The following PSMG2 variants were observed in gnomAD, a reference collection of about 807,000 sequenced individuals.
The protein encoded by PSMG2 is proteasome assembly chaperone 2.
In PSMG2, 21 loss-of-function variants were observed where a neutral mutation model predicts 31.5. The ratio of observed to expected loss-of-function variants is 0.67; its 90% CI spans 0.47 to 0.96. PSMG2 has a LOEUF of 0.96. Among genes scored for constraint, PSMG2 ranks in the 40% least tolerant of loss-of-function variants. PSMG2 has a pLI of 0.00. For synonymous variants in PSMG2, 120 were observed against 110.4 expected (o/e 1.09, Z -0.54); for missense variants, 318 against 321.2 (o/e 0.99, Z 0.08).
upstream of PSMG2, chr18:12,699,959 A>C (rs955739736): frequency 8.2e-7 from 1 of 1,212,686 alleles, no homozygotes; most frequent in African/African-American, 1.5e-5. Flanking sequence ...TTATAGGTTA[A>C]GGAAATGTCA....
At chr18:12,701,151 A>C (rs748522887), upstream of PSMG2, 1 of 1,534,532 alleles carries the variant, frequency 6.5e-7, no homozygotes, top group African/African-American at 1.4e-5. Flanking sequence ...ATAACATCAC[A>C]AAGCAGTCAA....
At chr18:12,699,765 G>A (rs1291366676), upstream of PSMG2, 5 of 898,126 alleles carry the variant, frequency 5.6e-6, no homozygotes, top group Middle Eastern at 3.4e-4. Flanking sequence ...TATCAAATAC[G>A]AAAGACTACA....
intron 1 of PSMG2, among the ~76,000 whole-genome samples, chr18:12,672,120 T>C (rs2038964007): frequency 7.0e-6 from 1 of 143,748 alleles, no homozygotes; most frequent in African/African-American, 2.6e-5. Flanking sequence ...GCCTGGCCCT[T>C]TTTTTTTTTT....
intron 1 of PSMG2, among the ~76,000 whole-genome samples, chr18:12,689,631 C>T (rs2039674813): frequency 6.6e-6 from 1 of 152,166 alleles, no homozygotes; most frequent in Non-Finnish European, 1.5e-5. Flanking sequence ...TAGTGCATTT[C>T]AACTTCTTCC....
chr18:12,672,407 C>T lies in PSMG2; in HGVS notation c.-37+13634C>T, dbSNP rs73407561. Among the ~76,000 whole-genome samples the T allele has an allele frequency of 9.4e-3, 1,430 of 152,302 alleles. 25 individuals are homozygous for T. The highest frequency in any genetic ancestry group is 0.033 in the African/African-American group (1,359 of 41,572). Reference sequence around the variant, plus strand: ...CTGGGATTACAGGCATAAACCACTACGCCGAGCCTTACAAAATTTTTAAAA... The same window carrying T: ...CTGGGATTACAGGCATAAACCACTATGCCGAGCCTTACAAAATTTTTAAAA... On this transcript the variant is annotated intron_variant, in intron 1 of 6. Coordinates refer to the PSMG2 transcript ENST00000585331.
intron 1 of PSMG2, chr18:12,680,735 C>T: frequency 6.2e-7 from 1 of 1,613,506 alleles, no homozygotes; most frequent in Non-Finnish European, 8.5e-7. Flanking sequence ...GCATGAGGTA[C>T]TCCTTTTGCC....
At chr18:12,703,487 A>G (rs1324298004) in intron 1 of PSMG2, among the ~76,000 whole-genome samples, 1 of 152,202 alleles carries the variant, frequency 6.6e-6, no homozygotes, top group East Asian at 1.9e-4. Context: ...TCTTTCTACG[A>G]CTAGTTTTAG....
At chr18:12,661,951 A>C (rs2038700548) in intron 1 of PSMG2, 1 of 260,252 alleles carries the variant, frequency 3.8e-6, no homozygotes, top group Non-Finnish European at 7.8e-6. Flanking sequence ...TGTTACTCTG[A>C]ATATGATTTT....
intron 1 of PSMG2, among the ~76,000 whole-genome samples, chr18:12,692,907 C>G (rs777644841): frequency 6.6e-5 from 10 of 152,182 alleles, no homozygotes; most frequent in Non-Finnish European, 1.3e-4. Context: ...ACTGTAGCCT[C>G]GAATTCCTGG....
intron 5 of PSMG2, among the ~76,000 whole-genome samples, chr18:12,722,968 C>T (rs1362709): frequency 0.38 from 57,701 of 152,110 alleles, 11,489 homozygotes; most frequent in Non-Finnish European, 0.45. Flanking sequence ...TTTTCTGAGC[C>T]ATCAGAGCTC....
intron 1 of PSMG2, among the ~76,000 whole-genome samples, chr18:12,665,960 G>A (rs1211346044): frequency 6.6e-6 from 1 of 152,126 alleles, no homozygotes; most frequent in African/African-American, 2.4e-5. Context: ...CTCCCAAAGT[G>A]CTGGGATAAC....
chr18:12,704,743 C>T (rs899004693), intron 1 of PSMG2, among the ~76,000 whole-genome samples: 11 of 152,130 alleles, frequency 7.2e-5, no homozygotes, highest in African/African-American at 2.4e-4. Flanking sequence ...GATATTAGAG[C>T]ATGTTTACGT....
chr18:12,701,749 T>G (rs2040158888), upstream of PSMG2, among the ~76,000 whole-genome samples: 1 of 152,200 alleles, frequency 6.6e-6, no homozygotes, highest in East Asian at 1.9e-4. Context: ...AACCCTTTAG[T>G]AACTTCTCTT....
intron 1 of PSMG2, among the ~76,000 whole-genome samples, chr18:12,683,458 T>C (rs1293229781): frequency 6.6e-6 from 1 of 151,650 alleles, no homozygotes; most frequent in Non-Finnish European, 1.5e-5. Context: ...ATTTTGTATA[T>C]TGACTCAAGG....
In PSMG2 at chr18:12,680,733, T is replaced by C. The variant is rs764891261; in HGVS notation, c.-37+21960T>C. The C allele has an allele frequency of 1.7e-5, 28 of 1,613,398 alleles. No homozygotes were observed. The South Asian group carries it at 3.1e-4, about 18-fold the overall frequency. ...CACAAGTCATAACCCATGCATGAGG[T>C]ACTCCTTTTGCCTTGGTCCCAACAC... On this transcript the variant is annotated intron_variant, in intron 1 of 6. Coordinates refer to the PSMG2 transcript ENST00000585331.
chr18:12,717,318 T>TA lies in PSMG2; in HGVS notation c.289-1198dup, dbSNP rs377617315. On this transcript the variant is annotated intron_variant, in intron 3 of 6. Transcript: ENST00000317615. ...TTTAAAAGTTAGCCTGCATTTCTCT[T>TA]ACCTGCATTTTAAATTTTATTGAGT... is the stretch of plus-strand genomic sequence containing the variant. Among the ~76,000 whole-genome samples, 778 of 152,258 alleles carry TA rather than the reference T, an allele frequency of 5.1e-3. 6 individuals are homozygous for TA. The highest frequency in any genetic ancestry group is 0.018 in the African/African-American group (737 of 41,542).
At chr18:12,673,288 C>A in intron 1 of PSMG2, 1 of 1,507,320 alleles carries the variant, frequency 6.6e-7, no homozygotes, top group South Asian at 1.3e-5. Context: ...AAATAACAAA[C>A]CTCTAAATAG....
chr18:12,712,557 AC>A (rs1296552387), intron 2 of PSMG2, 144 bp from the exon 3 acceptor site: 6 of 572,118 alleles, frequency 1.0e-5, no homozygotes, highest in Non-Finnish European at 1.8e-5. Context: ...TCTTATTTTA[AC>A]CAGATGTCAT....
At chr18:12,675,857 C>T (rs1203138796) in intron 1 of PSMG2, among the ~76,000 whole-genome samples, 8 of 151,750 alleles carry the variant, frequency 5.3e-5, no homozygotes, top group South Asian at 2.1e-4. Flanking sequence ...TTAGTAGAGA[C>T]GGGCTTTCAC....
Sources: gnomAD v4.1 joint callset for allele counts (sites outside exome capture counted in the v4.1 genomes callset) on GRCh38, gnomAD v4.1.1 for gene constraint, MANE v1.5 for transcripts, NCBI Gene and HGNC (gene_info 2026-07-23, HGNC 2026-07-21) for gene names.